Variants in DLL1 observed in about 807,000 individuals in gnomAD.
DLL1 encodes the protein delta like canonical Notch ligand 1, also known as delta-like protein 1.
DLL1 carries 9 observed loss-of-function variants against 75.1 expected under a neutral mutation model. The ratio of observed to expected loss-of-function variants is 0.12; its 90% confidence interval spans 0.07 to 0.21. The LOEUF is 0.21. Among genes scored for constraint, DLL1 ranks in the 10% least tolerant of loss-of-function variants. The pLI is 1.00. For synonymous variants in DLL1, 477 were observed against 418.3 expected, an observed-to-expected ratio of 1.14 and a Z score of -1.71; for missense variants, 837 against 1,007.6, an observed-to-expected ratio of 0.83 and a Z score of 2.29.
rs1783843790 is a variant in DLL1 at position 170,290,721 on chromosome 6, T to C, written c.-582A>G. 1 of 342,564 alleles carries C rather than the reference T, an allele frequency of 2.9e-6. No homozygotes were observed. The highest frequency in any genetic ancestry group is 2.2e-5 in the African/African-American group (1 of 45,078). 21.2% of individuals were successfully genotyped at this position (342,564 alleles called of 1,614,324 possible). On this transcript the variant is annotated 5_prime_UTR_variant, in exon 1 of 11. Coordinates refer to ENST00000366756, the MANE Select transcript of DLL1 (RefSeq NM_005618.4). The surrounding 1 kb of genome is among the most constrained non-coding windows in gnomAD (Gnocchi z 4.7). ...GCCCGGTGTCACTCGGCGGCGGCGG[T>C]CGTTCCGGGAGCACTCCGGGCTCCG...
At chr6:170,288,199 C>T in intron 4 of DLL1, 40 bp downstream of exon 4, 11 of 1,613,372 alleles carry the variant, frequency 6.8e-6, no homozygotes, top group East Asian at 2.2e-5. Context: ...GGTCCGTGTT[C>T]GTGGACGAGT....
rs751949406 is a variant in DLL1 at position 170,283,554 on chromosome 6, C to A, written c.1725G>T (p.Lys575Asn). The change falls in exon 9 of 11, where the codon AAG (lysine) becomes AAT (asparagine). Residue 575 changes from lysine (K) to asparagine (N), a missense_variant. By Grantham distance (94) the Lys-to-Asn change is moderately conservative. Transcript: ENST00000366756. ...VVVCVRLRLQ[K>N]HRPPADPCRG... ...GGCAGGGGTCGGCTGGGGGCCGGTG[C>A]TTCTGCAGCCTCAGCCGGACGCAGA... 14 of 1,613,656 alleles carry A rather than the reference C, an allele frequency of 8.7e-6. No homozygotes were observed. Among genetic ancestry groups the A allele is most frequent in the Non-Finnish European group, 1.2e-5 (14 of 1,180,016 alleles).
Position 170,283,817 on chromosome 6 carries a change from C to A in DLL1, c.1462G>T (p.Ala488Ser). The change falls in exon 9 of 11, where the codon GCA (alanine) becomes TCA (serine). Residue 488 changes from alanine to serine, a missense_variant. This residue lies in a region of DLL1 where 533 missense variants were observed against 545.7 expected (regional missense o/e 0.98). Coordinates refer to ENST00000366756, the MANE Select transcript of DLL1 (RefSeq NM_005618.4). ...CSAPVSRCEHAPCHNGATCHE... is the reference protein window; with the variant it reads ...CSAPVSRCEHSPCHNGATCHE... ...CAGGTGGCCCCATTGTGGCAGGGTGCGTGCTCGCACCTGCTGACGGGGGCA... is the reference window on the plus strand; with the variant it reads ...CAGGTGGCCCCATTGTGGCAGGGTGAGTGCTCGCACCTGCTGACGGGGGCA... 6.3e-7 allele frequency: 1 copy of A among 1,590,018 alleles called. No homozygotes were observed. Among genetic ancestry groups the A allele is most frequent in the Non-Finnish European group, 8.5e-7 (1 of 1,172,124 alleles).
rs536654823 is a variant in DLL1 at position 170,286,799 on chromosome 6, G to A, written c.671-501C>T. Among the ~76,000 whole-genome samples, 29 of 144,920 alleles carry A rather than the reference G, an allele frequency of 2.0e-4. No individual in the cohort carries two copies. The South Asian group carries it at 6.4e-3, about 32-fold the overall frequency. On this transcript the variant is annotated intron_variant, in intron 4 of 10. Transcript: ENST00000366756. ...CCACCTCCTCACACACACCCCTCGC[G>A]TGTACACACACACACACACACACAC...
intron 2 of DLL1, chr6:170,289,223 C>G: frequency 1.5e-6 from 1 of 666,336 alleles, no homozygotes; most frequent in Non-Finnish European, 2.7e-6. Context: ...AGGGGCGCCT[C>G]TGACTGGAGA....
Position 170,282,843 on chromosome 6 carries a change from G to T in DLL1, c.*31C>A. The T allele has an allele frequency of 6.2e-7, 1 of 1,614,050 alleles. No homozygotes were observed. The highest frequency in any genetic ancestry group is 8.5e-7 in the Non-Finnish European group (1 of 1,180,038). ...CCTTGGAATTTTACTTATTTTAAGA[G>T]AAACGGGAGTCTTGCCATCTCACTT... On this transcript the variant is annotated 3_prime_UTR_variant, in exon 11 of 11. Coordinates refer to ENST00000366756, the MANE Select transcript of DLL1 (RefSeq NM_005618.4).
At chr6:170,286,939 G>A (rs1474447500) in intron 4 of DLL1, among the ~76,000 whole-genome samples, 6 of 152,168 alleles carry the variant, frequency 3.9e-5, no homozygotes, top group Admixed American at 3.9e-4. Context: ...TTCAGTGTTT[G>A]AAGAAAAAAG....
In DLL1 at chr6:170,283,224, C is replaced by T. The variant is rs1166519918; in HGVS notation, c.2048+7G>A. On this transcript the variant is annotated splice_region_variant and intron_variant, in intron 9 of 10. Transcript: ENST00000366756. ...CCCCCTCCTGATGCCCGGCCCGCAGCACGCACCCCCTGAGTGTGGTCGGGG... is the reference window on the plus strand; with the variant it reads ...CCCCCTCCTGATGCCCGGCCCGCAGTACGCACCCCCTGAGTGTGGTCGGGG... 2 of 1,612,714 alleles carry T rather than the reference C, an allele frequency of 1.2e-6. No individual in the cohort carries two copies. The highest frequency in any genetic ancestry group is 3.3e-5 in the Admixed American group (2 of 59,958).
chr6:170,288,582 CG>C (rs1783760894), intron 3 of DLL1, 86 bp from the exon 4 acceptor site: 3 of 1,612,434 alleles, frequency 1.9e-6, no homozygotes, highest in East Asian at 2.2e-5. Context: ...ACATTCAGCA[CG>C]GGAAGGAGGC....
chr6:170,289,182 G>A (rs953126503), intron 2 of DLL1: 3 of 626,730 alleles, frequency 4.8e-6, no homozygotes, highest in East Asian at 6.1e-5. Context: ...AACGCGTCTA[G>A]GAGTCGGGAA....
rs562700561 is a variant in DLL1, at chr6:170,290,055, G to C, written c.54+31C>G. On this transcript the variant is annotated intron_variant, in intron 1 of 10. Coordinates refer to ENST00000366756, the MANE Select transcript of DLL1 (RefSeq NM_005618.4). The surrounding 1 kb of genome is among the most constrained non-coding windows in gnomAD (Gnocchi z 4.7). ...GCCCCGGCTACCCGTGAGACCCCGC[G>C]GGGCCGCGGCGCCCCCACCTGCCCG... is the stretch of plus-strand genomic sequence containing the variant. The C allele has an allele frequency of 1.4e-4, 215 of 1,566,500 alleles. 1 individual carries two copies. The East Asian group carries it at 4.5e-3, about 33-fold the overall frequency.
chr6:170,286,543 C>T (rs1783697594), intron 4 of DLL1, among the ~76,000 whole-genome samples: 1 of 152,064 alleles, frequency 6.6e-6, no homozygotes, highest in Admixed American at 6.5e-5. Flanking sequence ...CCCCCACCCC[C>T]ACCCTATCCC....
At chr6:170,286,779 T>C in intron 4 of DLL1, among the ~76,000 whole-genome samples, 1 of 148,848 alleles carries the variant, frequency 6.7e-6, no homozygotes, top group East Asian at 2.1e-4. Flanking sequence ...CGGCCCCACC[T>C]CCTCACACAC....
At chr6:170,286,861 G>C (rs985000696) in intron 4 of DLL1, among the ~76,000 whole-genome samples, 5 of 152,186 alleles carry the variant, frequency 3.3e-5, no homozygotes, top group Admixed American at 3.3e-4. Context: ...GGAGCCGGCG[G>C]GTGTCCCTGC....
intron 1 of DLL1, 135 bp downstream of exon 1, chr6:170,289,950 GC>G: frequency 7.6e-7 from 1 of 1,317,536 alleles, no homozygotes; most frequent in Non-Finnish European, 9.8e-7. Flanking sequence ...TGGGGTCGTC[GC>G]CCCCGGGATT....
At position 170,283,901 on chromosome 6, in the gene DLL1, C is replaced by T; in HGVS notation, c.1378G>A (p.Asp460Asn). The change falls in exon 9 of 11, where the codon GAT (aspartate) becomes AAT (asparagine). Residue 460 changes from aspartate to asparagine, a missense_variant. This residue lies in a region of DLL1 where 533 missense variants were observed against 545.7 expected (regional missense o/e 0.98). Coordinates refer to ENST00000366756, the MANE Select transcript of DLL1 (RefSeq NM_005618.4). ...GTGCAGGAGAAGTCGTTCACGCCAT[C>T]CCGGCAGGTGCCCCCGTTGGCGCAC... ...SPCANGGTCR[D>N]GVNDFSCTCP... is the part of the protein sequence containing the mutation. 6.2e-7 allele frequency: 1 copy of T among 1,605,380 alleles called. No individual in the cohort carries two copies. The highest frequency in any genetic ancestry group is 1.1e-5 in the South Asian group (1 of 90,550).
At chr6:170,286,848 A>G (rs950998402) in intron 4 of DLL1, among the ~76,000 whole-genome samples, 6 of 151,994 alleles carry the variant, frequency 3.9e-5, no homozygotes, top group Non-Finnish European at 7.4e-5. Context: ...CCTTCCGCCA[A>G]TGGGAGCCGG....
rs1445063175 is a variant in DLL1 at position 170,283,100 on chromosome 6, T to C, written c.2054A>G (p.Glu685Gly). ...GTCCGGCCTTTTTCTTTCAGATGCT[T>C]CTCCACTAAAAGGAAAATAGAGAAA... ...KGTPTTLRGGEASERKRPDSG... is the reference protein window; with the variant it reads ...KGTPTTLRGGGASERKRPDSG... The change falls in exon 10 of 11, where the codon GAA becomes GGA. Residue 685 changes from glutamate to glycine, a missense_variant. Coordinates refer to ENST00000366756, the MANE Select transcript of DLL1 (RefSeq NM_005618.4). 6.2e-7 allele frequency: 1 copy of C among 1,614,042 alleles called. No homozygotes were observed.
chr6:170,288,014 G>C (rs577331466), intron 4 of DLL1, among the ~76,000 whole-genome samples: 2 of 152,128 alleles, frequency 1.3e-5, no homozygotes, highest in East Asian at 1.9e-4. Context: ...AGGCAGTTCC[G>C]ATAGTGGATA....
Sources: allele counts gnomAD v4.1 joint callset (sites outside exome capture counted in the v4.1 genomes callset), GRCh38; gene constraint gnomAD v4.1.1; regional missense constraint gnomAD v4.1.1; non-coding constraint Gnocchi (gnomAD v3.1); transcripts MANE v1.5; gene names NCBI Gene and HGNC (gene_info 2026-07-23, HGNC 2026-07-21).